Variants in JPH3 observed in about 807,000 individuals in gnomAD.
The protein encoded by JPH3 is junctophilin-3.
In JPH3, 11 loss-of-function variants were observed where a neutral mutation model predicts 59.6. The ratio of observed to expected loss-of-function variants is 0.18; its 90% CI spans 0.12 to 0.31. The LOEUF (loss-of-function observed/expected upper bound fraction) is 0.31, where lower values mean the gene tolerates loss of function less well. JPH3 is among the 10% of genes least tolerant of loss of function. The pLI is 1.00. For missense variants in JPH3, 1,202 were observed against 1,105.7 expected, an observed-to-expected ratio of 1.09 and a Z score of -1.24; for synonymous variants, 673 against 483.6, an observed-to-expected ratio of 1.39 and a Z score of -5.14.
rs1453572745 is a variant in JPH3, at chr16:87,602,956, C to T, written c.-191C>T. On this transcript the variant is annotated 5_prime_UTR_variant, in exon 1 of 5. Transcript: ENST00000284262. ...GGCGCAGCTCGAAAAGGAATAATCG[C>T]CCCCGATTGACTGAAATTCCTCCGG... is the stretch of plus-strand genomic sequence containing the variant. The T allele has an allele frequency of 6.8e-6, 4 of 587,194 alleles. No homozygotes were observed. Among genetic ancestry groups the T allele is most frequent in the Non-Finnish European group, 1.2e-5 (4 of 343,900 alleles). 36.4% of individuals were successfully genotyped at this position (587,194 alleles called of 1,614,324 possible). A position where few individuals can be genotyped will look rare whatever the true frequency, so the allele number is the denominator to read the frequency against.
At chr16:87,664,902 G>T (rs1567606014) in intron 2 of JPH3, among the ~76,000 whole-genome samples, 1 of 152,212 alleles carries the variant, frequency 6.6e-6, no homozygotes, top group Non-Finnish European at 1.5e-5. Context: ...GGTCACCAGT[G>T]CATCTCCAGG....
chr16:87,628,428 G>A (rs757369498), intron 1 of JPH3, among the ~76,000 whole-genome samples: 23 of 152,380 alleles, frequency 1.5e-4, no homozygotes, highest in Non-Finnish European at 2.4e-4. Context: ...GGGAGGGGCC[G>A]GGTGGGGCCG....
At chr16:87,653,498 T>C (rs2032394276) in intron 2 of JPH3, 1 of 152,180 alleles carries the variant, frequency 6.6e-6, no homozygotes, top group Admixed American at 6.5e-5. Context: ...CCTGGGACAC[T>C]CTAGTGGGCC....
chr16:87,629,529 C>T (rs1273588074), intron 1 of JPH3, among the ~76,000 whole-genome samples: 3 of 151,762 alleles, frequency 2.0e-5, no homozygotes, highest in African/African-American at 7.3e-5. Flanking sequence ...GATAAGCAAA[C>T]AGCGGTGACG....
chr16:87,682,667 G>A (rs1264723451), intron 2 of JPH3, among the ~76,000 whole-genome samples: 3 of 152,214 alleles, frequency 2.0e-5, no homozygotes, highest in Non-Finnish European at 4.4e-5. Context: ...CTATTGATGA[G>A]CCGCCCAAGC....
chr16:87,664,417 G>T (rs2032798728), intron 2 of JPH3, among the ~76,000 whole-genome samples: 1 of 150,528 alleles, frequency 6.6e-6, no homozygotes, highest in African/African-American at 2.4e-5. Flanking sequence ...TTGAGGTCAG[G>T]AGTTCGAGAC....
intron 1 of JPH3, among the ~76,000 whole-genome samples, chr16:87,617,708 T>A (rs1363223129): frequency 6.6e-6 from 1 of 151,740 alleles, no homozygotes; most frequent in Non-Finnish European, 1.5e-5. Flanking sequence ...TTGAGGGAAT[T>A]TGGAGAAGGA....
At chr16:87,672,444 G>GT (rs2033041996) in intron 2 of JPH3, among the ~76,000 whole-genome samples, 2 of 152,352 alleles carry the variant, frequency 1.3e-5, no homozygotes, top group Admixed American at 1.3e-4. Flanking sequence ...TGTTCTCACT[G>GT]TGAGGGTGGG....
At chr16:87,635,905 CTG>C (rs2150838618) in intron 1 of JPH3, among the ~76,000 whole-genome samples, 1 of 152,312 alleles carries the variant, frequency 6.6e-6, no homozygotes, top group East Asian at 1.9e-4. Flanking sequence ...CTGAGAGGGT[CTG>C]GAAGGAAGCA....
At chr16:87,619,052 C>A (rs916486033) in intron 1 of JPH3, among the ~76,000 whole-genome samples, 8 of 150,106 alleles carry the variant, frequency 5.3e-5, no homozygotes, top group Non-Finnish European at 1.0e-4. Context: ...TGCACCACTG[C>A]ACTCTAGCCT....
chr16:87,679,597 C>T (rs964251846), intron 2 of JPH3, among the ~76,000 whole-genome samples: 1 of 141,784 alleles, frequency 7.1e-6, no homozygotes, highest in Non-Finnish European at 1.5e-5. Flanking sequence ...CTTGCCTTGT[C>T]CCCCGGACGC....
At position 87,689,857 on chromosome 16, in the gene JPH3, C is replaced by A; in HGVS notation, c.1497C>A (p.Ala499=). 6.6e-7 allele frequency: 1 copy of A among 1,512,248 alleles called. No individual in the cohort carries two copies. The highest frequency in any genetic ancestry group is 8.8e-7 in the Non-Finnish European group (1 of 1,130,494). 93.7% of individuals were successfully genotyped at this position (1,512,248 alleles called of 1,614,324 possible). The change falls in exon 4 of 5, where the codon GCC becomes GCA. Residue 499 remains alanine (A), a synonymous_variant. Coordinates refer to ENST00000284262, the MANE Select transcript of JPH3 (RefSeq NM_020655.4). ...PPAPAARNKV[A]HFSRQVSVDE... is the part of the protein sequence containing the mutation. ...CGCCCGCCGCCAGGAACAAGGTCGC[C>A]CACTTCTCGAGGCAGGTGTCGGTGG...
intron 2 of JPH3, among the ~76,000 whole-genome samples, chr16:87,656,381 C>T (rs577912561): frequency 1.7e-4 from 26 of 152,336 alleles, no homozygotes; most frequent in Non-Finnish European, 3.1e-4. Context: ...ACCAGAGTGG[C>T]CAGTCCATGG....
At chr16:87,647,185 G>A (rs545515758) in intron 2 of JPH3, among the ~76,000 whole-genome samples, 1 of 152,144 alleles carries the variant, frequency 6.6e-6, no homozygotes, top group South Asian at 2.1e-4. Flanking sequence ...ACGTATAAGT[G>A]GGCATCATGC....
chr16:87,604,256 G>A lies in JPH3; in HGVS notation c.382+728G>A. On this transcript the variant is annotated intron_variant, in intron 1 of 4. Transcript: ENST00000284262. ...CATTCTAAGATGCCACCGCATTCGG[G>A]GCAGAGCCGGGGCCGGAAGCCAGGG... 2.1e-6 allele frequency: 3 copies of A among 1,455,952 alleles called. 1 individual carries two copies. The highest frequency in any genetic ancestry group is 2.7e-6 in the Non-Finnish European group (3 of 1,098,404). The allele number at this position is 1,455,952 out of a possible 1,614,324, so 90.2% of individuals were successfully genotyped here.
chr16:87,612,446 T>G (rs772087989), intron 1 of JPH3, among the ~76,000 whole-genome samples: 12 of 152,208 alleles, frequency 7.9e-5, no homozygotes, highest in South Asian at 4.1e-4. Flanking sequence ...CAACTGCACC[T>G]GGCCTGAGAT....
At chr16:87,623,761 C>A (rs1384623805) in intron 1 of JPH3, among the ~76,000 whole-genome samples, 1 of 152,162 alleles carries the variant, frequency 6.6e-6, no homozygotes, top group Non-Finnish European at 1.5e-5. Context: ...GCCACAAGGA[C>A]CCTCTGGGCA....
At chr16:87,641,975 G>T (rs988864133) in intron 1 of JPH3, among the ~76,000 whole-genome samples, 2 of 152,352 alleles carry the variant, frequency 1.3e-5, no homozygotes, top group East Asian at 3.9e-4. Flanking sequence ...GCTTGGAGGT[G>T]CTGTGGAGGA....
At chr16:87,695,895 G>T (rs930603935) in intron 4 of JPH3, 1 of 455,972 alleles carries the variant, frequency 2.2e-6, no homozygotes, top group African/African-American at 2.0e-5. Flanking sequence ...GGCTGAAGGG[G>T]GAGTCTGGCA....
Sources: gnomAD v4.1 joint callset for allele counts (sites outside exome capture counted in the v4.1 genomes callset) on GRCh38, gnomAD v4.1.1 for gene constraint, MANE v1.5 for transcripts, NCBI Gene and HGNC (gene_info 2026-07-23, HGNC 2026-07-21) for gene names.